SPRY3: variants seen among roughly 807,000 people sequenced by gnomAD.
SPRY3 encodes sprouty RTK signaling antagonist 3, also known as protein sprouty homolog 3.
In SPRY3, 15 loss-of-function variants were observed where a neutral mutation model predicts 20.2. The observed-to-expected ratio is 0.74, with a 90% CI of 0.50 to 1.14. The LOEUF is 1.14. Among genes scored for constraint, SPRY3 ranks in the 50% most tolerant of loss-of-function variants. The pLI is 0.00. For synonymous variants in SPRY3, 143 were observed against 136.5 expected (o/e 1.05, Z -0.33); for missense variants, 364 against 363.9 (o/e 1.00, Z 0.00).
At chrX:155,708,279 C>A (rs1196910792) in intron 2 of SPRY3, among the ~76,000 whole-genome samples, 2 of 151,352 alleles carry the variant, frequency 1.3e-5, no homozygotes, top group Non-Finnish European at 3.0e-5. Context: ...AAAGATAATT[C>A]TGAATAACAT....
At chrX:155,756,673 G>T (rs763817337) in intron 2 of SPRY3, among the ~76,000 whole-genome samples, 6 of 152,148 alleles carry the variant, frequency 3.9e-5, no homozygotes, top group African/African-American at 1.2e-4. Context: ...GGAGGAGGAT[G>T]GAAATGAGGA....
intron 2 of SPRY3, among the ~76,000 whole-genome samples, chrX:155,662,713 C>G (rs2068014245): frequency 9.4e-6 from 1 of 106,596 alleles, no homozygotes; most frequent in African/African-American, 3.4e-5. Context: ...ACTCTACCAC[C>G]AACAGAATAG....
intron 2 of SPRY3, among the ~76,000 whole-genome samples, chrX:155,717,022 G>A (rs1382740078): frequency 9.4e-6 from 1 of 105,922 alleles, no homozygotes; most frequent in South Asian, 3.3e-4. Flanking sequence ...AGCTGGGCGT[G>A]GCAGCATGCG....
chrX:155,646,717 A>G (rs1490105811), intron 1 of SPRY3, among the ~76,000 whole-genome samples: 2 of 111,812 alleles, frequency 1.8e-5, no homozygotes, highest in Non-Finnish European at 3.8e-5. Flanking sequence ...ATGTAGAACT[A>G]TGTAATCTGC....
chrX:155,750,115 C>A (rs1439665709), intron 2 of SPRY3, among the ~76,000 whole-genome samples: 3 of 151,828 alleles, frequency 2.0e-5, no homozygotes, highest in Non-Finnish European at 4.4e-5. Context: ...AGAGTGAAAT[C>A]ATGTCCTTTG....
At chrX:155,753,047 A>C (rs306895) in intron 2 of SPRY3, among the ~76,000 whole-genome samples, 1 of 151,594 alleles carries the variant, frequency 6.6e-6, no homozygotes, top group Non-Finnish European at 1.5e-5. Flanking sequence ...GTCTGTTTGC[A>C]TGAGGACTAA....
intron 1 of SPRY3, among the ~76,000 whole-genome samples, chrX:155,618,818 G>A (rs1397474331): frequency 9.0e-6 from 1 of 111,572 alleles, no homozygotes; most frequent in Non-Finnish European, 1.9e-5. Context: ...ATTTTCATGT[G>A]CTTATTTTCT....
At chrX:155,671,634 G>C (rs960921361) in intron 2 of SPRY3, among the ~76,000 whole-genome samples, 1 of 111,200 alleles carries the variant, frequency 9.0e-6, no homozygotes, top group Non-Finnish European at 1.9e-5. Flanking sequence ...GCTGTGCTCT[G>C]TTAGGCATCA....
downstream of SPRY3, chrX:155,778,153 G>C (rs2091440953): frequency 6.0e-6 from 1 of 166,926 alleles, no homozygotes; most frequent in African/African-American, 2.4e-5. Context: ...TTGAACCCAG[G>C]GTGTCTGACT....
chrX:155,662,682 CAA>C (rs34216827), intron 2 of SPRY3, among the ~76,000 whole-genome samples: 11 of 58,199 alleles, frequency 1.9e-4, no homozygotes, highest in Non-Finnish European at 2.7e-4. Flanking sequence ...TGTAGTTTGG[CAA>C]AAAAAAAAAA....
intron 2 of SPRY3, among the ~76,000 whole-genome samples, chrX:155,723,232 G>T (rs1294596932): frequency 1.3e-5 from 2 of 151,940 alleles, no homozygotes. Context: ...GAATAGTTCC[G>T]CAATAAACAT....
chrX:155,768,580 G>C (rs918808844), intron 3 of SPRY3, among the ~76,000 whole-genome samples: 9 of 152,158 alleles, frequency 5.9e-5, no homozygotes, highest in Admixed American at 2.6e-4. Context: ...TCACAAGTCT[G>C]GGCTGTGCAT....
chrX:155,751,117 G>T (rs1486989142), intron 2 of SPRY3, among the ~76,000 whole-genome samples: 3 of 151,748 alleles, frequency 2.0e-5, no homozygotes, highest in Non-Finnish European at 4.4e-5. Context: ...GTTGGAATTG[G>T]GGCATTAGAA....
At chrX:155,753,424 C>T (rs2091271822) in intron 2 of SPRY3, among the ~76,000 whole-genome samples, 1 of 151,806 alleles carries the variant, frequency 6.6e-6, no homozygotes, top group African/African-American at 2.4e-5. Context: ...TGTATCAGTG[C>T]TTCGTCCTTT....
At chrX:155,672,600 C>T (rs2124560544) in intron 2 of SPRY3, among the ~76,000 whole-genome samples, 1 of 109,326 alleles carries the variant, frequency 9.1e-6, no homozygotes, top group African/African-American at 3.4e-5. Context: ...AATAGGAACA[C>T]TTTTACACTG....
In SPRY3 at chrX:155,726,132, A is replaced by G. The variant is rs150559192; in HGVS notation, c.-281-41830A>G. Among the ~76,000 whole-genome samples, 100 of 152,222 alleles carry G rather than the reference A, an allele frequency of 6.6e-4. No individual in the cohort carries two copies. The East Asian group carries it at 0.019, about 29-fold the overall frequency. On this transcript the variant is annotated intron_variant, in intron 2 of 3. Transcript: ENST00000675360. ...GTTTCCATGTTGTTGTGCAGTTTTG[A>G]GTGAGTTTATTAATCCTGAGTTTTA...
intron 2 of SPRY3, among the ~76,000 whole-genome samples, chrX:155,665,616 G>C (rs2068022208): frequency 9.0e-6 from 1 of 111,388 alleles, no homozygotes; most frequent in South Asian, 3.7e-4. Flanking sequence ...GGTATGTACA[G>C]TATGAAACAC....
chrX:155,752,592 A>T (rs2091268736), intron 2 of SPRY3, among the ~76,000 whole-genome samples: 1 of 151,776 alleles, frequency 6.6e-6, no homozygotes, highest in Non-Finnish European at 1.5e-5. Context: ...AAAATAGAAA[A>T]AATGGACAAA....
intron 2 of SPRY3, among the ~76,000 whole-genome samples, chrX:155,670,682 T>C (rs1358134454): frequency 2.7e-5 from 3 of 112,267 alleles, no homozygotes; most frequent in Non-Finnish European, 5.6e-5. Flanking sequence ...CTCTGCTTTA[T>C]TGTTTTAAAA....
Sources: gnomAD v4.1 joint callset for allele counts (sites outside exome capture counted in the v4.1 genomes callset) on GRCh38, gnomAD v4.1.1 for gene constraint, MANE v1.5 for transcripts, NCBI Gene and HGNC (gene_info 2026-07-23, HGNC 2026-07-21) for gene names.